SLC38A6: variants seen among roughly 807,000 people sequenced by gnomAD.
SLC38A6 encodes solute carrier family 38 member 6.
SLC38A6 carries 73 observed loss-of-function variants against 65.0 expected under a neutral mutation model. The observed-to-expected ratio is 1.12, with a 90% CI of 0.93 to 1.37. The LOEUF is 1.37. Ranked by LOEUF, SLC38A6 falls within the 40% of genes most tolerant of loss-of-function variation. The probability of loss-of-function intolerance (pLI) is 0.00; values close to 1 mark genes in which losing one functional copy is unlikely to be tolerated. For synonymous variants in SLC38A6, 183 were observed against 178.8 expected (o/e 1.02, Z -0.19); for missense variants, 561 against 531.1 (o/e 1.06, Z -0.55).
Position 61,062,826 on chromosome 14 carries a change from G to A in SLC38A6, c.1290+10691G>A, listed in dbSNP as rs150867965. Among the ~76,000 whole-genome samples, 688 of 152,126 alleles carry A rather than the reference G, an allele frequency of 4.5e-3. 2 individuals carry two copies. Among genetic ancestry groups the A allele is most frequent in the South Asian group, 0.014 (65 of 4,812 alleles). ...CTCCTGCATAGCTGGAATTACAGGC[G>A]CACGCCACCACACCCAGCTAATTTT... On this transcript the variant is annotated intron_variant, in intron 15 of 16. Transcript: ENST00000354886.
intron 8 of SLC38A6, among the ~76,000 whole-genome samples, chr14:61,040,812 T>C (rs1212936218): frequency 6.6e-6 from 1 of 152,188 alleles, no homozygotes; most frequent in Non-Finnish European, 1.5e-5. Context: ...TGGTTTTTAG[T>C]CAGAAGCTTT....
rs71114175 is a variant in SLC38A6 at position 61,007,320 on chromosome 14, T to TAATAAAATAA, written c.311-8571_311-8562dup. Among the ~76,000 whole-genome samples the TAATAAAATAA allele has an allele frequency of 2.6e-3, 387 of 150,006 alleles. 4 individuals carry two copies. The highest frequency in any genetic ancestry group is 5.8e-3 in the Admixed American group (88 of 15,048). On this transcript the variant is annotated intron_variant, in intron 3 of 15. Transcript: ENST00000267488. ...CACATGTACCCTAAAACTTTAATAA[T>TAATAAAATAA]AATAAAATAAAATAAAATAAAAGAA...
At chr14:60,994,526 CAA>C (rs2038133605) in intron 3 of SLC38A6, among the ~76,000 whole-genome samples, 1 of 151,856 alleles carries the variant, frequency 6.6e-6, no homozygotes, top group African/African-American at 2.4e-5. Context: ...GCCTGAGCAA[CAA>C]GAGCAAAACT....
intron 16 of SLC38A6, among the ~76,000 whole-genome samples, chr14:61,081,041 A>G (rs1440812884): frequency 6.6e-6 from 1 of 152,224 alleles, no homozygotes; most frequent in East Asian, 1.9e-4. Flanking sequence ...AATCCCAGGC[A>G]CTAGATTTAT....
At chr14:61,082,793 G>A (rs1208109575) in intron 16 of SLC38A6, among the ~76,000 whole-genome samples, 1 of 152,122 alleles carries the variant, frequency 6.6e-6, no homozygotes, top group African/African-American at 2.4e-5. Context: ...AGCTGCCTCT[G>A]CCTGCACTCC....
intron 11 of SLC38A6, 134 bp from the exon 12 acceptor site, chr14:61,045,933 T>A: frequency 1.8e-6 from 1 of 553,050 alleles, no homozygotes; most frequent in African/African-American, 1.9e-5. Context: ...TAATTTCGAA[T>A]GAGGACTTCT....
downstream of SLC38A6, among the ~76,000 whole-genome samples, chr14:61,057,136 G>T (rs2042729317): frequency 2.0e-5 from 1 of 49,622 alleles, no homozygotes; most frequent in Non-Finnish European, 3.8e-5. Context: ...GACTGCCCTG[G>T]CCAGAACTTC....
chr14:61,030,384 T>G, intron 5 of SLC38A6, 61 bp from the exon 6 acceptor site: 2 of 1,284,018 alleles, frequency 1.6e-6, no homozygotes, highest in Non-Finnish European at 1.1e-6. Flanking sequence ...CTAGATGGAT[T>G]ATTGTTTAAA....
At chr14:60,994,881 G>C (rs1277440209) in intron 3 of SLC38A6, among the ~76,000 whole-genome samples, 1 of 150,900 alleles carries the variant, frequency 6.6e-6, no homozygotes, top group Non-Finnish European at 1.5e-5. Flanking sequence ...ACACACACCT[G>C]TAATCCCAGC....
At chr14:61,010,730 C>G (rs1253415830) in intron 3 of SLC38A6, among the ~76,000 whole-genome samples, 2 of 152,054 alleles carry the variant, frequency 1.3e-5, no homozygotes, top group Non-Finnish European at 2.9e-5. Context: ...CTGTTGTGTT[C>G]CATTGGTATA....
chr14:61,010,523 A>C (rs1162465580), intron 3 of SLC38A6, among the ~76,000 whole-genome samples: 1 of 152,182 alleles, frequency 6.6e-6, no homozygotes, highest in Admixed American at 6.5e-5. Flanking sequence ...TAGGTCTAAC[A>C]TTTAAGTCTT....
chr14:61,024,696 A>G (rs766152202), intron 5 of SLC38A6, among the ~76,000 whole-genome samples: 4 of 152,218 alleles, frequency 2.6e-5, no homozygotes, highest in Non-Finnish European at 5.9e-5. Context: ...TGAACTCCTG[A>G]AGTAAACCAT....
intron 12 of SLC38A6, among the ~76,000 whole-genome samples, chr14:61,049,111 G>C (rs2042346600): frequency 6.6e-6 from 1 of 152,090 alleles, no homozygotes; most frequent in Non-Finnish European, 1.5e-5. Context: ...AACAGTAGCT[G>C]TTATGCCTGT....
At chr14:61,077,722 A>T (rs2043472716) in intron 15 of SLC38A6, among the ~76,000 whole-genome samples, 1 of 152,202 alleles carries the variant, frequency 6.6e-6, no homozygotes, top group Non-Finnish European at 1.5e-5. Context: ...ACATAAATAG[A>T]CTTGTATTCA....
In SLC38A6 at chr14:61,048,010, C is replaced by T. The variant is rs528079614; in HGVS notation, c.925+1843C>T. On this transcript the variant is annotated intron_variant, in intron 12 of 15. Transcript: ENST00000267488. ...ACATACATACATACATACATACATACATACATACATACATACATAAATAGA... is the reference window on the plus strand; with the variant it reads ...ACATACATACATACATACATACATATATACATACATACATACATAAATAGA... 463 of 336,678 alleles carry T rather than the reference C, an allele frequency of 1.4e-3. 1 individual carries two copies. The highest frequency in any genetic ancestry group is 5.2e-3 in the Middle Eastern group (5 of 958). 20.9% of individuals were successfully genotyped at this position (336,678 alleles called of 1,614,324 possible).
chr14:61,027,324 T>A (rs972506148), intron 5 of SLC38A6, among the ~76,000 whole-genome samples: 47 of 152,144 alleles, frequency 3.1e-4, no homozygotes, highest in African/African-American at 1.0e-3. Flanking sequence ...TGGGGCCACT[T>A]AACTATATGC....
At chr14:61,044,366 GGTAAAGACCTCCAGGTGCC>G (rs2042003376) in intron 10 of SLC38A6, among the ~76,000 whole-genome samples, 1 of 152,066 alleles carries the variant, frequency 6.6e-6, no homozygotes, top group Admixed American at 6.6e-5. Flanking sequence ...TCTTTTACAT[GGTAAAGACCTCCAGGTGCC>G]GTAAAGATCT....
intron 12 of SLC38A6, among the ~76,000 whole-genome samples, chr14:61,049,101 A>G (rs1163888740): frequency 6.6e-6 from 1 of 152,146 alleles, no homozygotes; most frequent in Non-Finnish European, 1.5e-5. Flanking sequence ...CAGTGATTGT[A>G]ACAGTAGCTG....
At chr14:61,050,964 G>A (rs557429355) in intron 13 of SLC38A6, among the ~76,000 whole-genome samples, 23 of 152,168 alleles carry the variant, frequency 1.5e-4, no homozygotes, top group African/African-American at 4.8e-4. Flanking sequence ...AAAAAAATGT[G>A]CATGAAGAGG....
Sources: allele counts gnomAD v4.1 joint callset (sites outside exome capture counted in the v4.1 genomes callset), GRCh38; gene constraint gnomAD v4.1.1; transcripts MANE v1.5; gene names NCBI Gene and HGNC (gene_info 2026-07-23, HGNC 2026-07-21).